KCNMA1: variants seen among roughly 807,000 people sequenced by gnomAD.
The protein encoded by KCNMA1 is potassium calcium-activated channel subfamily M alpha 1, also known as Calcium-activated potassium channel subunit alpha-1.
Under a neutral mutation model 140.0 loss-of-function variants are expected in KCNMA1, and 29 were observed. That is an observed-to-expected ratio of 0.21 (90% CI 0.15 to 0.28). The LOEUF (loss-of-function observed/expected upper bound fraction) is 0.28. Among genes scored for constraint, KCNMA1 ranks in the 10% least tolerant of loss-of-function variants. The pLI is 1.00. For missense variants in KCNMA1, 880 were observed against 1,602.2 expected (o/e 0.55, Z 7.70); for synonymous variants, 612 against 611.9 (o/e 1.00, Z 0.00).
chr10:77,270,586 A>G (rs1270987990), intron 2 of KCNMA1, among the ~76,000 whole-genome samples: 1 of 148,208 alleles, frequency 6.7e-6, no homozygotes, highest in African/African-American at 2.5e-5. Context: ...CGGTAGTGCA[A>G]TGTCAGCTCA....
At chr10:77,592,063 A>C (rs1332616925) in intron 1 of KCNMA1, among the ~76,000 whole-genome samples, 1 of 152,208 alleles carries the variant, frequency 6.6e-6, no homozygotes, top group East Asian at 1.9e-4. Context: ...ATGTTCCTGC[A>C]CACAAGTGAA....
intron 1 of KCNMA1, among the ~76,000 whole-genome samples, chr10:77,587,346 C>T (rs1010720998): frequency 4.6e-5 from 7 of 152,006 alleles, no homozygotes; most frequent in African/African-American, 7.2e-5. Context: ...ACTCAGTAGG[C>T]GGAGATGAAA....
intron 19 of KCNMA1, among the ~76,000 whole-genome samples, chr10:76,993,671 C>T (rs769280621): frequency 7.9e-5 from 12 of 152,206 alleles, no homozygotes; most frequent in African/African-American, 2.9e-4. Context: ...GTCCCTTCCT[C>T]CCCTGCAGCC....
intron 25 of KCNMA1, among the ~76,000 whole-genome samples, chr10:76,899,611 G>C (rs1397489828): frequency 6.6e-6 from 1 of 152,128 alleles, no homozygotes; most frequent in Non-Finnish European, 1.5e-5. Flanking sequence ...CAGAGACTAT[G>C]TGGCCCTCAA....
intron 1 of KCNMA1, among the ~76,000 whole-genome samples, chr10:77,631,495 G>A (rs1336480827): frequency 6.6e-6 from 1 of 152,244 alleles, no homozygotes; most frequent in African/African-American, 2.4e-5. Flanking sequence ...AGCTTGGCAA[G>A]GTGGTATTGG....
At chr10:76,879,294 T>C (rs890414919) in intron 29 of KCNMA1, among the ~76,000 whole-genome samples, 1 of 152,124 alleles carries the variant, frequency 6.6e-6, no homozygotes, top group Non-Finnish European at 1.5e-5. Context: ...ATGCGGCAGC[T>C]CAGTTTACCC....
At chr10:77,362,383 G>A (rs1353634114) in intron 2 of KCNMA1, among the ~76,000 whole-genome samples, 3 of 78,098 alleles carry the variant, frequency 3.8e-5, no homozygotes, top group East Asian at 4.1e-4. Flanking sequence ...ACACACACAC[G>A]ATGCTGGGAT....
intron 2 of KCNMA1, among the ~76,000 whole-genome samples, chr10:77,314,323 C>T (rs2080172740): frequency 6.6e-6 from 1 of 152,162 alleles, no homozygotes; most frequent in South Asian, 2.1e-4. Context: ...CAGAAGCAGC[C>T]TGTTTCACTT....
intron 24 of KCNMA1, chr10:76,910,759 G>T (rs1243045264): frequency 6.3e-6 from 1 of 158,328 alleles, no homozygotes; most frequent in Non-Finnish European, 1.4e-5. Context: ...ATTTTGAGTT[G>T]CATGGGGACG....
chr10:77,603,786 C>A (rs987941512), intron 1 of KCNMA1, among the ~76,000 whole-genome samples: 2 of 152,176 alleles, frequency 1.3e-5, no homozygotes, highest in African/African-American at 4.8e-5. Flanking sequence ...TCAAGAACAG[C>A]CCTCAGAAAG....
intron 2 of KCNMA1, among the ~76,000 whole-genome samples, chr10:77,358,957 C>T (rs1423032966): frequency 6.6e-6 from 1 of 152,198 alleles, no homozygotes; most frequent in Non-Finnish European, 1.5e-5. Flanking sequence ...ACACAATGAG[C>T]TGGGCATCCT....
chr10:76,923,843 A>C (rs1257015655), intron 23 of KCNMA1, among the ~76,000 whole-genome samples: 2 of 151,990 alleles, frequency 1.3e-5, no homozygotes, highest in Non-Finnish European at 2.9e-5. Flanking sequence ...ACAAACAAAC[A>C]AACACAAAAA....
At chr10:77,154,758 C>A (rs1374988959) in intron 5 of KCNMA1, among the ~76,000 whole-genome samples, 1 of 152,190 alleles carries the variant, frequency 6.6e-6, no homozygotes, top group Non-Finnish European at 1.5e-5. Flanking sequence ...CAGACATGAT[C>A]CCTGCTCACA....
intron 1 of KCNMA1, among the ~76,000 whole-genome samples, chr10:77,506,596 A>AGAGAGGGTGTGTGT: frequency 1.2e-5 from 1 of 83,532 alleles, no homozygotes; most frequent in Non-Finnish European, 2.0e-5. Flanking sequence ...AGAGAGAGAG[A>AGAGAGGGTGTGTGT]GTGTGTGTGT....
intron 1 of KCNMA1, among the ~76,000 whole-genome samples, chr10:77,504,005 G>A (rs572359234): frequency 6.6e-6 from 1 of 152,224 alleles, no homozygotes; most frequent in East Asian, 1.9e-4. Context: ...TCCAATGGGG[G>A]GCAGGGCGCA....
chr10:77,338,296 G>A (rs1023419096), intron 2 of KCNMA1, among the ~76,000 whole-genome samples: 15 of 152,228 alleles, frequency 9.9e-5, no homozygotes, highest in Admixed American at 2.0e-4. Flanking sequence ...CCCATCTCCC[G>A]CCCTCATGCC....
At chr10:76,962,490 C>T (rs776093132) in intron 20 of KCNMA1, among the ~76,000 whole-genome samples, 1 of 152,078 alleles carries the variant, frequency 6.6e-6, no homozygotes, top group Admixed American at 6.5e-5. Context: ...ACCTTTTATC[C>T]GAGCTGCAAA....
At chr10:77,376,948 A>ATACATACATACATACATACATAC (rs2095152762) in intron 2 of KCNMA1, among the ~76,000 whole-genome samples, 1 of 148,314 alleles carries the variant, frequency 6.7e-6, no homozygotes, top group Non-Finnish European at 1.5e-5. Context: ...AAAATAAATA[A>ATACATACATACATACATACATAC]ATACATACAT....
chr10:77,349,695 G>A (rs548281480), intron 2 of KCNMA1, among the ~76,000 whole-genome samples: 3 of 152,242 alleles, frequency 2.0e-5, no homozygotes, highest in African/African-American at 7.2e-5. Context: ...CCACAGCTTT[G>A]GTTTCTTTGA....
Sources: allele counts gnomAD v4.1 joint callset (sites outside exome capture counted in the v4.1 genomes callset), GRCh38; gene constraint gnomAD v4.1.1; transcripts MANE v1.5; gene names NCBI Gene and HGNC (gene_info 2026-07-23, HGNC 2026-07-21).